The following FOCAD variants were observed in gnomAD, a reference collection of about 807,000 sequenced individuals.
FOCAD encodes the protein focadhesin.
In FOCAD, 198 loss-of-function variants were observed where a neutral mutation model predicts 225.6. The observed-to-expected ratio is 0.88, with a 90% CI of 0.78 to 0.99. FOCAD has a LOEUF of 0.99. Among genes scored for constraint, FOCAD ranks in the 50% least tolerant of loss-of-function variants. FOCAD has a pLI of 0.00. For synonymous variants in FOCAD, 897 were observed against 755.0 expected, an observed-to-expected ratio of 1.19 and a Z score of -3.08; for missense variants, 2,713 against 2,123.6, an observed-to-expected ratio of 1.28 and a Z score of -5.46.
At chr9:20,729,600 A>G (rs574627727) in intron 4 of FOCAD, among the ~76,000 whole-genome samples, 24 of 152,218 alleles carry the variant, frequency 1.6e-4, no homozygotes, top group Non-Finnish European at 3.4e-4. Context: ...TTGTGTGAGC[A>G]TATGTGTGCT....
At chr9:20,857,205 T>C (rs1203327913) in intron 15 of FOCAD, among the ~76,000 whole-genome samples, 1 of 152,148 alleles carries the variant, frequency 6.6e-6, no homozygotes, top group East Asian at 1.9e-4. Flanking sequence ...CAATATTGAT[T>C]CTTCCAATTT....
intron 33 of FOCAD, among the ~76,000 whole-genome samples, chr9:20,950,292 A>G (rs1266541226): frequency 6.6e-6 from 1 of 152,114 alleles, no homozygotes; most frequent in South Asian, 2.1e-4. Context: ...CATAGTTGGT[A>G]TTCTTAGTGT....
intron 15 of FOCAD, among the ~76,000 whole-genome samples, chr9:20,832,155 C>T (rs1825559284): frequency 6.6e-6 from 1 of 151,970 alleles, no homozygotes; most frequent in African/African-American, 2.4e-5. Context: ...CATGTACAAG[C>T]TTTCATGTCA....
At chr9:20,921,926 G>A (rs989216505) in intron 24 of FOCAD, among the ~76,000 whole-genome samples, 7 of 151,966 alleles carry the variant, frequency 4.6e-5, no homozygotes, top group African/African-American at 9.7e-5. Context: ...GTGACCTCAC[G>A]TTTTCTACAG....
upstream of FOCAD, among the ~76,000 whole-genome samples, chr9:20,681,347 T>A (rs1390046306): frequency 1.3e-5 from 2 of 152,190 alleles, no homozygotes; most frequent in Non-Finnish European, 2.9e-5. Context: ...TCCTCCCACT[T>A]GGCCTCCCAA....
intron 21 of FOCAD, among the ~76,000 whole-genome samples, chr9:20,894,380 G>A (rs915466381): frequency 1.3e-5 from 2 of 152,006 alleles, no homozygotes; most frequent in Admixed American, 6.6e-5. Flanking sequence ...TTCAACTCTC[G>A]GGTAAATGCC....
chr9:20,978,301 A>T, intron 36 of FOCAD, 38 bp from the exon 37 acceptor site: 1 of 1,362,350 alleles, frequency 7.3e-7, no homozygotes, highest in Non-Finnish European at 1.0e-6. Context: ...TCAGGAAAGT[A>T]ACTATATATT....
chr9:20,659,450 G>T (rs1053819244), intron 2 of FOCAD, among the ~76,000 whole-genome samples: 1 of 148,524 alleles, frequency 6.7e-6, no homozygotes, highest in East Asian at 1.9e-4. Flanking sequence ...AAGACAGACA[G>T]ACAGAAAGAA....
intron 15 of FOCAD, among the ~76,000 whole-genome samples, chr9:20,857,773 TTTTTTTTTTGAG>T (rs1279502480): frequency 1.1e-3 from 88 of 83,224 alleles, no homozygotes; most frequent in Admixed American, 1.3e-3. Flanking sequence ...TACCCAGTTT[TTTTTTTTTTGAG>T]TTTTTTTTTT....
intron 5 of FOCAD, among the ~76,000 whole-genome samples, chr9:20,744,588 G>C (rs1054122663): frequency 6.6e-6 from 1 of 152,168 alleles, no homozygotes; most frequent in African/African-American, 2.4e-5. Flanking sequence ...CTGCACATTA[G>C]AGCCCTCTTA....
At chr9:20,948,153 T>C (rs1837359425) in intron 30 of FOCAD, 118 bp from the exon 31 acceptor site, 2 of 981,910 alleles carry the variant, frequency 2.0e-6, no homozygotes, top group Non-Finnish European at 2.8e-6. Context: ...ATATGACAAA[T>C]ACAGCTTGTC....
intron 4 of FOCAD, among the ~76,000 whole-genome samples, chr9:20,735,975 C>G (rs1482477663): frequency 6.6e-6 from 1 of 151,984 alleles, no homozygotes; most frequent in East Asian, 1.9e-4. Context: ...ACTGGAGAAC[C>G]TCTTTAAGAA....
Position 20,866,998 on chromosome 9 carries a change from C to T in FOCAD, c.2176C>T (p.His726Tyr), listed in dbSNP as rs747212697. The change falls in exon 18 of 44, where the codon CAT (histidine) becomes TAT (tyrosine). Residue 726 changes from histidine (H) to tyrosine (Y), a missense_variant. By Grantham distance (83) the His-to-Tyr change is moderately conservative (BLOSUM62 2). Transcript: ENST00000338382. ...NFSAGEHTIL[H>Y]LPEKIRPEIP... ...TAGTGCAGGAGAACACACCATTCTT[C>T]ATCTGCCTGAAAAGGTAGGCATATC... is the stretch of plus-strand genomic sequence containing the variant. 3.5e-6 allele frequency: 5 copies of T among 1,447,638 alleles called. No individual in the cohort carries two copies. Among genetic ancestry groups the T allele is most frequent in the African/African-American group, 3.0e-5 (2 of 65,810 alleles). The allele number at this position is 1,447,638 out of a possible 1,614,324, so 89.7% of individuals were successfully genotyped here.
At chr9:20,753,741 A>C (rs1441213302) in intron 5 of FOCAD, among the ~76,000 whole-genome samples, 1 of 152,020 alleles carries the variant, frequency 6.6e-6, no homozygotes, top group African/African-American at 2.4e-5. Context: ...ACATGGCTAC[A>C]TAACAGTAAA....
At chr9:20,866,044 A>G (rs1457170296) in intron 17 of FOCAD, 68 bp downstream of exon 17, 1 of 1,326,098 alleles carries the variant, frequency 7.5e-7, no homozygotes, top group African/African-American at 1.5e-5. Context: ...TTTGTAAAAT[A>G]AGACTCTTAG....
chr9:20,770,798 T>C (rs1818137979), intron 8 of FOCAD, among the ~76,000 whole-genome samples: 1 of 152,224 alleles, frequency 6.6e-6, no homozygotes, highest in Non-Finnish European at 1.5e-5. Flanking sequence ...GCACTACTGG[T>C]AATATCATTT....
intron 42 of FOCAD, among the ~76,000 whole-genome samples, chr9:20,992,249 C>A (rs965318231): frequency 6.6e-6 from 1 of 152,184 alleles, no homozygotes; most frequent in African/African-American, 2.4e-5. Context: ...GTTTCCACCT[C>A]ATTTGCAGGA....
intron 10 of FOCAD, chr9:20,786,996 C>A: frequency 2.1e-6 from 1 of 482,312 alleles, no homozygotes; most frequent in Non-Finnish European, 4.1e-6. Context: ...AGAGAAAACG[C>A]TTGATTGCAT....
intron 10 of FOCAD, among the ~76,000 whole-genome samples, chr9:20,787,325 G>C (rs1470823658): frequency 6.6e-6 from 1 of 152,174 alleles, no homozygotes; most frequent in Non-Finnish European, 1.5e-5. Flanking sequence ...TTCAGGCACT[G>C]TGCTAGGTGT....
Sources: gnomAD v4.1 joint callset for allele counts (sites outside exome capture counted in the v4.1 genomes callset) on GRCh38, gnomAD v4.1.1 for gene constraint, MANE v1.5 for transcripts, NCBI Gene and HGNC (gene_info 2026-07-23, HGNC 2026-07-21) for gene names.